Variants in GNL3L observed in about 807,000 individuals in gnomAD.
GNL3L encodes guanine nucleotide-binding protein-like 3-like protein.
A neutral mutation model predicts 42.9 loss-of-function variants in GNL3L; 4 were observed. The ratio of observed to expected loss-of-function variants is 0.09; its 90% confidence interval spans 0.05 to 0.21. GNL3L has a LOEUF of 0.21. Ranked by LOEUF, GNL3L falls within the 10% of genes least tolerant of loss-of-function variation. The pLI is 1.00. For synonymous variants in GNL3L, 159 were observed against 176.3 expected (o/e 0.90, Z 0.78); for missense variants, 412 against 481.7 (o/e 0.86, Z 1.36).
chrX:54,558,235 C>A (rs748872904), intron 14 of GNL3L, among the ~76,000 whole-genome samples: 41 of 110,622 alleles, frequency 3.7e-4, no homozygotes, highest in African/African-American at 1.1e-3. Flanking sequence ...TTATCCACCC[C>A]CCATTTGACA....
the GNL3L span, among the ~76,000 whole-genome samples, chrX:54,629,442 A>G: frequency 1.8e-4 from 20 of 111,567 alleles, no homozygotes; most frequent in Non-Finnish European, 3.6e-4. Flanking sequence ...TGTCCCTTGT[A>G]TGCCGATTGT....
At chrX:54,632,069 G>A in the GNL3L span, among the ~76,000 whole-genome samples, 17 of 111,993 alleles carry the variant, frequency 1.5e-4, no homozygotes, top group East Asian at 3.1e-3. Flanking sequence ...GCTGATAATC[G>A]TTTTGTTTAA....
the GNL3L span, among the ~76,000 whole-genome samples, chrX:54,637,197 A>G: frequency 9.0e-6 from 1 of 111,462 alleles, no homozygotes; most frequent in Non-Finnish European, 1.9e-5. Flanking sequence ...TTGCCAATGT[A>G]CTACTGCCTC....
rs1201564667 is a variant in GNL3L, at chrX:54,532,723, C to T, written c.19+138C>T. ...TCACCTAGGCTGGAGTGCAGTGGTG[C>T]AATCTCAGTTCACTGCAACCTCCGC... On this transcript the variant is annotated intron_variant, in intron 2 of 15. Transcript: ENST00000360845. The T allele has an allele frequency of 8.9e-6, 5 of 561,223 alleles. No individual in the cohort carries two copies. The East Asian group carries it at 1.4e-4, about 15-fold the overall frequency. 46.3% of individuals were successfully genotyped at this position (561,223 alleles called of 1,213,427 possible). A position where few individuals can be genotyped will look rare whatever the true frequency, so the allele number is the denominator to read the frequency against.
At chrX:54,558,683 C>G (rs773940112) in intron 15 of GNL3L, 28 bp downstream of exon 15, 2 of 1,046,186 alleles carry the variant, frequency 1.9e-6, no homozygotes, top group South Asian at 4.0e-5. Flanking sequence ...ACCCTGTGCT[C>G]TGAAAGGGGC....
chrX:54,545,049 G>C (rs1272638032), intron 8 of GNL3L, among the ~76,000 whole-genome samples: 1 of 110,744 alleles, frequency 9.0e-6, no homozygotes, highest in Non-Finnish European at 1.9e-5. Context: ...CCAAGTAGCT[G>C]GGACTACAGG....
At chrX:54,596,129 A>G (rs777577496) in intron 16 of GNL3L, among the ~76,000 whole-genome samples, 2 of 111,937 alleles carry the variant, frequency 1.8e-5, no homozygotes, top group South Asian at 7.5e-4. Flanking sequence ...ATACTTGTAT[A>G]TGTTCATCTG....
intron 16 of GNL3L, among the ~76,000 whole-genome samples, chrX:54,607,957 C>T (rs972305364): frequency 8.9e-6 from 1 of 111,923 alleles, no homozygotes; most frequent in African/African-American, 3.2e-5. Flanking sequence ...CATGGGCCAA[C>T]GTGGATGAAG....
intron 16 of GNL3L, among the ~76,000 whole-genome samples, chrX:54,607,053 TTTCTTTCTTTCTTTCTTTCTCTTTCTTTC>T (rs1926085923): frequency 1.5e-5 from 1 of 67,087 alleles, no homozygotes; most frequent in African/African-American, 9.0e-5. Context: ...TCTTTCTTTC[TTTCTTTCTTTCTTTCTTTCTCTTTCTTTC>T]TTCTTTCTTT....
At chrX:54,627,564 T>G in the GNL3L span, among the ~76,000 whole-genome samples, 6 of 111,679 alleles carry the variant, frequency 5.4e-5, no homozygotes, top group Non-Finnish European at 1.1e-4. Flanking sequence ...GGTTTTGGTC[T>G]GTTTTTACTT....
At chrX:54,640,120 CTG>C in the GNL3L span, among the ~76,000 whole-genome samples, 4 of 111,465 alleles carry the variant, frequency 3.6e-5, no homozygotes, top group Non-Finnish European at 7.5e-5. Context: ...ATTTTTGTAT[CTG>C]TTTCCTCTTC....
At position 54,530,223 on chromosome X, in the gene GNL3L, G is replaced by A. The variant is rs1304724441; in HGVS notation, c.-244G>A. On this transcript the variant is annotated 5_prime_UTR_variant, in exon 1 of 16. Transcript: ENST00000360845. ...GCCGCCGGCCTGGGATCCGGAAGTC[G>A]GAGCCTAGCTGCGCGAGAGTTTCTG... 1.0e-5 allele frequency: 1 copy of A among 99,466 alleles called. No homozygotes were observed. Among genetic ancestry groups the A allele is most frequent in the Non-Finnish European group, 2.0e-5 (1 of 49,488 alleles). 8.2% of individuals were successfully genotyped at this position (99,466 alleles called of 1,213,427 possible).
chrX:54,639,215 G>C, the GNL3L span, among the ~76,000 whole-genome samples: 1 of 111,538 alleles, frequency 9.0e-6, no homozygotes, highest in Non-Finnish European at 1.9e-5. Context: ...CCAAAGTGCT[G>C]GGATTACAGG....
chrX:54,530,731 C>T (rs1439222111), intron 1 of GNL3L, among the ~76,000 whole-genome samples: 4 of 112,254 alleles, frequency 3.6e-5, no homozygotes, highest in Admixed American at 2.8e-4. Flanking sequence ...ACATCTCCCT[C>T]CACCCAGCTG....
At chrX:54,573,420 T>C (rs1187212940) in intron 16 of GNL3L, among the ~76,000 whole-genome samples, 1 of 111,816 alleles carries the variant, frequency 8.9e-6, no homozygotes, top group Non-Finnish European at 1.9e-5. Context: ...GGCAGGAGAA[T>C]CAGGCAGGGA....
the GNL3L span, among the ~76,000 whole-genome samples, chrX:54,640,792 GGTCTT>G: frequency 8.9e-6 from 1 of 112,282 alleles, no homozygotes; most frequent in Non-Finnish European, 1.9e-5. Flanking sequence ...GTGGACTCCG[GGTCTT>G]GTCTGTCTCC....
chrX:54,539,022 CT>C lies in GNL3L; in HGVS notation c.20-10del. On this transcript the variant is annotated splice_polypyrimidine_tract_variant and intron_variant, in intron 2 of 15. Transcript: ENST00000360845. ...TAGATGGATGACGGCTCTTTTCTTT[CT>C]TTTTTTTCTTTTGTAGAAAATAAAA... 2.7e-5 allele frequency: 29 copies of C among 1,056,629 alleles called. No individual in the cohort carries two copies. Among genetic ancestry groups the C allele is most frequent in the Admixed American group, 5.1e-5 (2 of 38,915 alleles). 87.1% of individuals were successfully genotyped at this position (1,056,629 alleles called of 1,213,427 possible). A position where few individuals can be genotyped will look rare whatever the true frequency, so the allele number is the denominator to read the frequency against.
At position 54,610,965 on chromosome X, in the gene GNL3L, T is replaced by C. The variant is rs1348313308; in HGVS notation, c.*46-9880T>C. Reference sequence around the variant, plus strand: ...GTTTGGTAGAATTCTGCTGTGAATCTGTCTGGTCTTGGACTTTTTTTTTGT... The same window carrying C: ...GTTTGGTAGAATTCTGCTGTGAATCCGTCTGGTCTTGGACTTTTTTTTTGT... On this transcript the variant is annotated intron_variant, in intron 16 of 16. Coordinates refer to the GNL3L transcript ENST00000674498. 6.3e-5 allele frequency among the ~76,000 whole-genome samples: 7 copies of C among 111,667 alleles called. No homozygotes were observed. In the East Asian group the frequency reaches 2.0e-3, roughly 31 times the overall value.
chrX:54,564,315 C>T lies in GNL3L; in HGVS notation c.*3713C>T, dbSNP rs1285986413. ...TACAGAACAGTCCTCTTAGCCTCTCCCTACCAAATTTATTCCTGCTACTTT... is the reference window on the plus strand; with the variant it reads ...TACAGAACAGTCCTCTTAGCCTCTCTCTACCAAATTTATTCCTGCTACTTT... On this transcript the variant is annotated 3_prime_UTR_variant, in exon 16 of 16. Transcript: ENST00000360845. Among the ~76,000 whole-genome samples the T allele has an allele frequency of 9.1e-6, 1 of 110,406 alleles. No individual in the cohort carries two copies. The highest frequency in any genetic ancestry group is 1.9e-5 in the Non-Finnish European group (1 of 52,888).
Sources: allele counts gnomAD v4.1 joint callset (sites outside exome capture counted in the v4.1 genomes callset), GRCh38; gene constraint gnomAD v4.1.1; transcripts MANE v1.5; gene names NCBI Gene and HGNC (gene_info 2026-07-23, HGNC 2026-07-21).